Variants in CFAP161 observed in about 807,000 individuals in gnomAD.
CFAP161 encodes cilia and flagella associated protein 161, also known as cilia- and flagella-associated protein 161.
A neutral mutation model predicts 29.0 loss-of-function variants in CFAP161; 25 were observed. The ratio of observed to expected loss-of-function variants is 0.86; its 90% CI spans 0.63 to 1.20. The LOEUF (loss-of-function observed/expected upper bound fraction) is 1.20, where lower values mean the gene tolerates loss of function less well. CFAP161 is among the 50% of genes most tolerant of loss of function. The pLI, the probability that CFAP161 is intolerant of heterozygous loss-of-function variation, is 0.00. For missense variants in CFAP161, 367 were observed against 371.9 expected, an observed-to-expected ratio of 0.99 and a Z score of 0.11; for synonymous variants, 116 against 137.4, an observed-to-expected ratio of 0.84 and a Z score of 1.09.
At chr15:81,134,506 A>G (rs1654239279) in intron 1 of CFAP161, 108 bp downstream of exon 1, 2 of 1,065,582 alleles carry the variant, frequency 1.9e-6, no homozygotes, top group African/African-American at 1.6e-5. Context: ...CTCTCCCAGC[A>G]TACAGCGAAT....
intron 1 of CFAP161, among the ~76,000 whole-genome samples, chr15:81,101,599 G>A (rs1203470504): frequency 6.6e-6 from 1 of 151,318 alleles, no homozygotes; most frequent in Non-Finnish European, 1.5e-5. Context: ...GAGAGGGAGA[G>A]GCTGGGAATG....
intron 3 of CFAP161, 82 bp downstream of exon 3, chr15:81,136,830 A>G (rs2141879354): frequency 2.6e-6 from 3 of 1,161,592 alleles, no homozygotes; most frequent in East Asian, 2.4e-5. Context: ...TATTGGAGCC[A>G]CTGAGTGGAG....
intron 1 of CFAP161, among the ~76,000 whole-genome samples, chr15:81,113,629 A>G (rs1894463117): frequency 6.6e-6 from 1 of 152,234 alleles, no homozygotes; most frequent in Admixed American, 6.5e-5. Flanking sequence ...ACAACTCAGT[A>G]ACAGCCAAAT....
chr15:81,136,671 C>T lies in CFAP161; in HGVS notation c.315C>T (p.Asp105=), dbSNP rs371138907. The T allele has an allele frequency of 8.3e-5, 134 of 1,614,134 alleles. 1 individual carries two copies. The highest frequency in any genetic ancestry group is 3.2e-4 in the South Asian group (29 of 91,078). The part of the protein sequence containing the change: ...TPDEIQSHLK[D]ELEVPCGLSA... ...ATGAAATTCAGTCCCATCTGAAAGACGAATTAGAGGTACCCTGTGGCCTGA... is the reference window on the plus strand; with the variant it reads ...ATGAAATTCAGTCCCATCTGAAAGATGAATTAGAGGTACCCTGTGGCCTGA... The change falls in exon 3 of 7, where the codon GAC becomes GAT. Residue 105 remains aspartate, a synonymous_variant. Transcript: ENST00000286732.
intron 1 of CFAP161, among the ~76,000 whole-genome samples, chr15:81,115,349 A>C (rs1002422485): frequency 6.6e-6 from 1 of 152,202 alleles, no homozygotes; most frequent in Non-Finnish European, 1.5e-5. Flanking sequence ...GGATGCTGGG[A>C]TGAACCTGTT....
At chr15:81,131,732 A>G (rs1894713976), upstream of CFAP161, among the ~76,000 whole-genome samples, 1 of 152,230 alleles carries the variant, frequency 6.6e-6, no homozygotes, top group African/African-American at 2.4e-5. Context: ...TGGGAGTTTC[A>G]TAAAGACAGA....
chr15:81,100,773 G>T (rs761051031), intron 1 of CFAP161, among the ~76,000 whole-genome samples: 1 of 151,340 alleles, frequency 6.6e-6, no homozygotes, highest in Non-Finnish European at 1.5e-5. Context: ...CCTGGGTTCA[G>T]GCAATCCTCC....
chr15:81,134,513 G>C, intron 1 of CFAP161, 115 bp downstream of exon 1: 1 of 1,032,988 alleles, frequency 9.7e-7, no homozygotes, highest in Non-Finnish European at 1.4e-6. Flanking sequence ...AGCATACAGC[G>C]AATACCTCTA....
At chr15:81,137,226 G>C (rs996126504) in intron 3 of CFAP161, among the ~76,000 whole-genome samples, 1 of 152,050 alleles carries the variant, frequency 6.6e-6, no homozygotes, top group Non-Finnish European at 1.5e-5. Context: ...TAAATCCTTA[G>C]AGAAGAAATA....
upstream of CFAP161, among the ~76,000 whole-genome samples, chr15:81,132,992 C>T (rs1894731929): frequency 6.6e-6 from 1 of 151,628 alleles, no homozygotes; most frequent in South Asian, 2.1e-4. Flanking sequence ...ATTGACAGAG[C>T]TGGTGGATTC....
intron 1 of CFAP161, among the ~76,000 whole-genome samples, chr15:81,108,529 T>C (rs1309781873): frequency 6.6e-6 from 1 of 152,140 alleles, no homozygotes; most frequent in Non-Finnish European, 1.5e-5. Flanking sequence ...TTGGACCCAC[T>C]CTGGGCTTTT....
rs1019893459 is a variant in CFAP161 at position 81,110,285 on chromosome 15, T to A, written c.-141-17305T>A. Among the ~76,000 whole-genome samples, 12 of 152,290 alleles carry A rather than the reference T, an allele frequency of 7.9e-5. No homozygotes were observed. In the East Asian group the frequency reaches 1.7e-3, roughly 22 times the overall value. Reference sequence around the variant, plus strand: ...CCCTGCTTAAAAGGGGGCAAAAATTTAAAAAATTTTCTGGTGATTTTGAAG... The same window carrying A: ...CCCTGCTTAAAAGGGGGCAAAAATTAAAAAAATTTTCTGGTGATTTTGAAG... On this transcript the variant is annotated intron_variant, in intron 1 of 4. Coordinates refer to the CFAP161 transcript ENST00000560091.
At chr15:81,139,581 A>G (rs1894870902) in intron 4 of CFAP161, among the ~76,000 whole-genome samples, 1 of 152,232 alleles carries the variant, frequency 6.6e-6, no homozygotes, top group Admixed American at 6.5e-5. Flanking sequence ...TAATGAGAGC[A>G]TAAGATATAA....
intron 1 of CFAP161, among the ~76,000 whole-genome samples, chr15:81,103,356 A>G (rs1026050416): frequency 1.3e-5 from 2 of 152,182 alleles, no homozygotes; most frequent in African/African-American, 4.8e-5. Flanking sequence ...ACTTGCCCCA[A>G]GGCAGGACTC....
At chr15:81,104,189 T>A (rs920400832) in intron 1 of CFAP161, among the ~76,000 whole-genome samples, 1 of 152,140 alleles carries the variant, frequency 6.6e-6, no homozygotes, top group Non-Finnish European at 1.5e-5. Context: ...AAATCAAAAT[T>A]TTTTTCTGCA....
chr15:81,101,250 T>C (rs1418579177), intron 1 of CFAP161, among the ~76,000 whole-genome samples: 2 of 151,924 alleles, frequency 1.3e-5, no homozygotes, highest in African/African-American at 4.8e-5. Flanking sequence ...GTGGTGGTGG[T>C]GGCTGGGTGC....
chr15:81,105,136 C>G (rs56025907), intron 1 of CFAP161, among the ~76,000 whole-genome samples: 1 of 19,822 alleles, frequency 5.0e-5, no homozygotes, highest in African/African-American at 1.4e-4. Flanking sequence ...TTTCTCCCCC[C>G]TCCCCTCCCT....
intron 1 of CFAP161, among the ~76,000 whole-genome samples, chr15:81,124,797 A>G (rs1894620092): frequency 6.6e-6 from 1 of 152,154 alleles, no homozygotes; most frequent in Non-Finnish European, 1.5e-5. Flanking sequence ...TTATGTGCAT[A>G]GAGCTGTTTA....
chr15:81,138,543 T>C (rs1195030033), intron 4 of CFAP161, among the ~76,000 whole-genome samples: 1 of 152,172 alleles, frequency 6.6e-6, no homozygotes, highest in Non-Finnish European at 1.5e-5. Context: ...AGACTTTTGC[T>C]TAGTATGGGA....
Sources: gnomAD v4.1 joint callset for allele counts (sites outside exome capture counted in the v4.1 genomes callset) on GRCh38, gnomAD v4.1.1 for gene constraint, MANE v1.5 for transcripts, NCBI Gene and HGNC (gene_info 2026-07-23, HGNC 2026-07-21) for gene names.